DEPDC4: variants seen among roughly 807,000 people sequenced by gnomAD.
DEPDC4 encodes DEP domain-containing protein 4.
Under a neutral mutation model 52.0 loss-of-function variants are expected in DEPDC4, and 52 were observed. The observed-to-expected ratio is 1.00, with a 90% CI of 0.80 to 1.26. The LOEUF is 1.26. Among genes scored for constraint, DEPDC4 ranks in the 50% most tolerant of loss-of-function variants. The probability of loss-of-function intolerance (pLI) is 0.00; values close to 1 mark genes in which losing one functional copy is unlikely to be tolerated. For synonymous variants in DEPDC4, 201 were observed against 196.8 expected, an observed-to-expected ratio of 1.02 and a Z score of -0.18; for missense variants, 530 against 546.9, an observed-to-expected ratio of 0.97 and a Z score of 0.31.
chr12:100,244,919 T>A (rs891551991), intron 8 of DEPDC4, among the ~76,000 whole-genome samples: 1 of 151,938 alleles, frequency 6.6e-6, no homozygotes, highest in South Asian at 2.1e-4. Flanking sequence ...TTGCCCAGAC[T>A]GGAGTGCAGT....
chr12:100,278,638 T>TA, the DEPDC4 span, among the ~76,000 whole-genome samples: 1 of 150,836 alleles, frequency 6.6e-6, no homozygotes, highest in Admixed American at 6.6e-5. Flanking sequence ...TTCTTTTTTT[T>TA]TTTTTTTTTT....
In DEPDC4 at chr12:100,262,246, A is replaced by G. The variant is rs780605614; in HGVS notation, c.700+18T>C. ...TTCTTCCTTACCATGTTCTGAAAAA[A>G]TAATGAAAACAAATTACCTTCTTTT... On this transcript the variant is annotated intron_variant, in intron 3 of 9. Transcript: ENST00000550587. 1.3e-6 allele frequency: 2 copies of G among 1,597,586 alleles called. No homozygotes were observed. The highest frequency in any genetic ancestry group is 2.7e-5 in the African/African-American group (2 of 73,728).
chr12:100,266,916 C>A lies in DEPDC4; in HGVS notation c.157+4G>T, dbSNP rs777355656. ...GCACATTTGGCTAGGATATACAGGG[C>A]TACCTGTCCTCCTTTTCCGGCAGAA... On this transcript the variant is annotated splice_donor_region_variant and intron_variant, in intron 1 of 9. Coordinates refer to ENST00000550587, the MANE Select transcript of DEPDC4 (RefSeq NM_001364818.2). The A allele has an allele frequency of 4.3e-6, 7 of 1,612,760 alleles. No homozygotes were observed. The highest frequency in any genetic ancestry group is 5.9e-6 in the Non-Finnish European group (7 of 1,179,280).
At chr12:100,267,228 C>T, upstream of DEPDC4, 2 of 791,274 alleles carry the variant, frequency 2.5e-6, no homozygotes, top group South Asian at 1.9e-5. Context: ...CCCTCCCCAC[C>T]CCTTTCCTTC....
chr12:100,252,114 G>C (rs563135878), intron 7 of DEPDC4, 62 bp downstream of exon 7: 5 of 1,108,078 alleles, frequency 4.5e-6, no homozygotes, highest in Non-Finnish European at 5.5e-6. Context: ...TGAATGATTT[G>C]CTTTTCTGCT....
At chr12:100,271,281 A>AAAAAG (rs869276181), upstream of DEPDC4, among the ~76,000 whole-genome samples, 825 of 128,784 alleles carry the variant, frequency 6.4e-3, 22 homozygotes, top group Middle Eastern at 0.012. Flanking sequence ...AAAAAAAAAA[A>AAAAAG]AGAGAGAGAG....
chr12:100,278,776 C>T, the DEPDC4 span, among the ~76,000 whole-genome samples: 4 of 151,824 alleles, frequency 2.6e-5, no homozygotes, highest in Non-Finnish European at 4.4e-5. Context: ...ACTACAGGCG[C>T]GTACCACCAT....
At chr12:100,268,275 C>T (rs892540376), upstream of DEPDC4, among the ~76,000 whole-genome samples, 1 of 152,148 alleles carries the variant, frequency 6.6e-6, no homozygotes, top group Non-Finnish European at 1.5e-5. Context: ...AGCCTATCTC[C>T]GTTCTGAAAA....
intron 4 of DEPDC4, among the ~76,000 whole-genome samples, chr12:100,254,891 T>A (rs762693326): frequency 3.9e-5 from 6 of 152,154 alleles, no homozygotes; most frequent in Admixed American, 6.5e-5. Context: ...CTAGCTAATT[T>A]AAAAATTTTT....
rs181896672 is a variant in DEPDC4 at position 100,256,976 on chromosome 12, C to T, written c.701-750G>A. Among the ~76,000 whole-genome samples, 425 of 151,926 alleles carry T rather than the reference C, an allele frequency of 2.8e-3. 3 individuals are homozygous for T. Among genetic ancestry groups the T allele is most frequent in the African/African-American group, 9.7e-3 (401 of 41,450 alleles). ...TTTTAAACTAAAATACAGTATTAGGCTAATTTTGTCTTGGATTTCCAGTCA... is the reference window on the plus strand; with the variant it reads ...TTTTAAACTAAAATACAGTATTAGGTTAATTTTGTCTTGGATTTCCAGTCA... On this transcript the variant is annotated intron_variant, in intron 3 of 9. Transcript: ENST00000550587.
intron 9 of DEPDC4, among the ~76,000 whole-genome samples, chr12:100,233,268 T>C (rs1033182030): frequency 6.6e-6 from 1 of 152,224 alleles, no homozygotes; most frequent in East Asian, 1.9e-4. Flanking sequence ...CATACATATA[T>C]ATAATTTTCA....
At chr12:100,232,239 T>C (rs75254628) in intron 9 of DEPDC4, among the ~76,000 whole-genome samples, 1 of 150,876 alleles carries the variant, frequency 6.6e-6, no homozygotes, top group Non-Finnish European at 1.5e-5. Context: ...TAAAAAACAA[T>C]GCAAAAATTA....
intron 1 of DEPDC4, among the ~76,000 whole-genome samples, chr12:100,265,803 C>T (rs967296340): frequency 1.3e-5 from 2 of 152,110 alleles, no homozygotes; most frequent in African/African-American, 4.8e-5. Flanking sequence ...AAAATGAATT[C>T]CCAACCTATG....
At chr12:100,247,520 G>A (rs1294071051) in intron 8 of DEPDC4, among the ~76,000 whole-genome samples, 1 of 151,976 alleles carries the variant, frequency 6.6e-6, no homozygotes, top group East Asian at 1.9e-4. Context: ...ATATATTGTT[G>A]AATAGAAATA....
chr12:100,266,714 C>T (rs1202691570), intron 1 of DEPDC4, among the ~76,000 whole-genome samples: 1 of 152,218 alleles, frequency 6.6e-6, no homozygotes, highest in Admixed American at 6.5e-5. Flanking sequence ...CGCTTTCCTG[C>T]ACGCTCCAAG....
rs746209733 is a variant in DEPDC4 at position 100,266,934 on chromosome 12, C to T, written c.143G>A (p.Arg48Gln). The T allele has an allele frequency of 3.7e-5, 59 of 1,613,476 alleles. No individual in the cohort carries two copies. Among genetic ancestry groups the T allele is most frequent in the Middle Eastern group, 1.7e-4 (1 of 6,060 alleles). The stretch of plus-strand genomic sequence containing the variant: ...TACAGGGCTACCTGTCCTCCTTTTC[C>T]GGCAGAAGCCATCTCTACGGTTCCT... Reference protein sequence around the residue: ...SSRNRRDGFCRKRRTGCSGPF... With the variant: ...SSRNRRDGFCQKRRTGCSGPF... Residue 48 changes from arginine (R) to glutamine (Q), a missense_variant, in exon 1 of 10, where the codon CGG becomes CAG. Transcript: ENST00000550587.
intron 9 of DEPDC4, among the ~76,000 whole-genome samples, chr12:100,233,012 C>A (rs1384951502): frequency 6.6e-6 from 1 of 152,174 alleles, no homozygotes; most frequent in Admixed American, 6.5e-5. Context: ...TTAATCCTAA[C>A]TGCAACAATT....
rs538842870 is a variant in DEPDC4, at chr12:100,246,837, C to G, written c.1453+2063G>C. ...CCTGTATTCCCAGCTACTTGGGAGGCTGAGGCAGGAGAATCACTTGAACCC... is the reference window on the plus strand; with the variant it reads ...CCTGTATTCCCAGCTACTTGGGAGGGTGAGGCAGGAGAATCACTTGAACCC... On this transcript the variant is annotated intron_variant, in intron 8 of 9. Coordinates refer to ENST00000550587, the MANE Select transcript of DEPDC4 (RefSeq NM_001364818.2). Among the ~76,000 whole-genome samples the G allele has an allele frequency of 2.4e-4, 37 of 152,118 alleles. 2 individuals are homozygous for G. Among genetic ancestry groups the G allele is most frequent in the Admixed American group, 1.2e-3 (18 of 15,256 alleles).
chr12:100,263,505 T>G lies in DEPDC4; in HGVS notation c.546A>C (p.Glu182Asp). Residue 182 changes from glutamate (E) to aspartate (D), a missense_variant, in exon 2 of 10, where the codon GAA becomes GAC. Transcript: ENST00000550587. ...TCTTAGGTAACACTAACCTCAAGGT[T>G]TCATTGAACTCATTCTCAGCATCCT... ...RQKDAENEFN[E>D]TLRPGYEMIS... is the part of the protein sequence containing the mutation. The G allele has an allele frequency of 6.3e-7, 1 of 1,581,648 alleles. No homozygotes were observed. The highest frequency in any genetic ancestry group is 1.4e-5 in the African/African-American group (1 of 73,464).
Sources: allele counts gnomAD v4.1 joint callset (sites outside exome capture counted in the v4.1 genomes callset), GRCh38; gene constraint gnomAD v4.1.1; transcripts MANE v1.5; gene names NCBI Gene and HGNC (gene_info 2026-07-23, HGNC 2026-07-21).